Variants in NT5M observed in about 807,000 individuals in gnomAD.
The protein encoded by NT5M is 5'(3')-deoxyribonucleotidase, mitochondrial.
NT5M carries 22 observed loss-of-function variants against 22.2 expected under a neutral mutation model. The ratio of observed to expected loss-of-function variants is 0.99; its 90% CI spans 0.71 to 1.41. The LOEUF is 1.41. Among genes scored for constraint, NT5M ranks in the 40% most tolerant of loss-of-function variants. The pLI, the probability that NT5M is intolerant of heterozygous loss-of-function variation, is 0.00. For synonymous variants in NT5M, 167 were observed against 133.0 expected, an observed-to-expected ratio of 1.26 and a Z score of -1.76; for missense variants, 322 against 314.8, an observed-to-expected ratio of 1.02 and a Z score of -0.17.
At chr17:17,344,768 A>G in intron 3 of NT5M, 26 bp from the exon 4 acceptor site, 1 of 1,611,078 alleles carries the variant, frequency 6.2e-7, no homozygotes, top group Non-Finnish European at 8.5e-7. Context: ...TCTTCTCACC[A>G]CCTGCCCTTG....
intron 2 of NT5M, among the ~76,000 whole-genome samples, chr17:17,309,416 T>C (rs2048877758): frequency 6.6e-6 from 1 of 152,128 alleles, no homozygotes. Flanking sequence ...TTTTCAATTC[T>C]TTTGAGAATA....
chr17:17,314,538 A>G (rs2048984422), intron 2 of NT5M, among the ~76,000 whole-genome samples: 1 of 152,180 alleles, frequency 6.6e-6, no homozygotes, highest in South Asian at 2.1e-4. Flanking sequence ...CCCAGCAGTC[A>G]GAGTGATATT....
At chr17:17,314,731 T>A (rs1026280993) in intron 2 of NT5M, among the ~76,000 whole-genome samples, 2 of 152,258 alleles carry the variant, frequency 1.3e-5, no homozygotes, top group Non-Finnish European at 2.9e-5. Flanking sequence ...GCCCCTTGGA[T>A]GTGCCACACG....
At chr17:17,304,816 C>G (rs943975726) in intron 1 of NT5M, among the ~76,000 whole-genome samples, 13 of 152,158 alleles carry the variant, frequency 8.5e-5, no homozygotes, top group Non-Finnish European at 1.3e-4. Context: ...GTTCTCTGTA[C>G]TACTGTCTCT....
chr17:17,345,200 A>G, intron 4 of NT5M: 1 of 1,176,032 alleles, frequency 8.5e-7, no homozygotes, highest in East Asian at 3.8e-5. Context: ...TGGGGACTCA[A>G]CTCTGGTTTC....
intron 2 of NT5M, among the ~76,000 whole-genome samples, chr17:17,317,962 C>CAGAA (rs2049066818): frequency 5.4e-5 from 4 of 74,078 alleles, no homozygotes; most frequent in African/African-American, 2.4e-4. Context: ...ACTCCATGAT[C>CAGAA]AAAAAAAAAA....
At chr17:17,338,150 A>G (rs947097551) in intron 3 of NT5M, among the ~76,000 whole-genome samples, 32 of 151,608 alleles carry the variant, frequency 2.1e-4, no homozygotes, top group African/African-American at 7.5e-4. Context: ...TTTGTCAAAA[A>G]TGAGTTCAAG....
At chr17:17,333,388 T>A (rs548864125) in intron 3 of NT5M, 1 of 152,318 alleles carries the variant, frequency 6.6e-6, no homozygotes, top group East Asian at 1.9e-4. Context: ...ACTGCAGCTG[T>A]GACCCCCTGG....
At chr17:17,338,547 G>A (rs948560313) in intron 3 of NT5M, among the ~76,000 whole-genome samples, 2 of 151,954 alleles carry the variant, frequency 1.3e-5, no homozygotes, top group African/African-American at 2.4e-5. Context: ...CCAGTAACAT[G>A]CCATTTGGAC....
chr17:17,306,164 A>G (rs577913496), intron 1 of NT5M, among the ~76,000 whole-genome samples: 2 of 152,130 alleles, frequency 1.3e-5, no homozygotes, highest in South Asian at 2.1e-4. Context: ...CTCAAGTTTA[A>G]GGACTCTACT....
At chr17:17,315,215 A>G (rs776395370) in intron 2 of NT5M, among the ~76,000 whole-genome samples, 14 of 152,176 alleles carry the variant, frequency 9.2e-5, no homozygotes, top group Non-Finnish European at 1.6e-4. Context: ...CATGGTGCTC[A>G]CTGTCGTGAA....
At chr17:17,312,832 G>A (rs927217436) in intron 2 of NT5M, among the ~76,000 whole-genome samples, 1 of 151,840 alleles carries the variant, frequency 6.6e-6, no homozygotes, top group South Asian at 2.1e-4. Flanking sequence ...AAGAAGCCAG[G>A]CATGCTGACC....
Position 17,346,958 on chromosome 17 carries a change from G to T in NT5M, c.*11G>T. On this transcript the variant is annotated 3_prime_UTR_variant, in exon 5 of 5. Transcript: ENST00000389022. Reference sequence around the variant, plus strand: ...AAGCGGCCCTGCTGAGCTGGACTGTGCTTCGGGCTCCTCTGTGGGGCTCTG... The same window carrying T: ...AAGCGGCCCTGCTGAGCTGGACTGTTCTTCGGGCTCCTCTGTGGGGCTCTG... The T allele has an allele frequency of 6.2e-7, 1 of 1,610,176 alleles. No individual in the cohort carries two copies.
At chr17:17,343,048 C>T (rs890140363) in intron 3 of NT5M, among the ~76,000 whole-genome samples, 5 of 152,216 alleles carry the variant, frequency 3.3e-5, no homozygotes, top group Non-Finnish European at 2.9e-5. Context: ...GCCCCAGGCT[C>T]TTGCCCCCCA....
intron 4 of NT5M, 184 bp downstream of exon 4, chr17:17,345,092 G>A (rs2049730445): frequency 1.6e-6 from 1 of 631,386 alleles, no homozygotes; most frequent in African/African-American, 2.0e-5. Context: ...TGGTGCTCCT[G>A]GGAGCTGGGA....
intron 3 of NT5M, among the ~76,000 whole-genome samples, chr17:17,334,140 G>C (rs2049447948): frequency 6.6e-6 from 1 of 151,900 alleles, no homozygotes; most frequent in Non-Finnish European, 1.5e-5. Flanking sequence ...GTATGTTTTT[G>C]TATTTTAGTA....
intron 3 of NT5M, among the ~76,000 whole-genome samples, chr17:17,337,404 A>ATTTTTTTTTTTTTT (rs112137876): frequency 7.0e-6 from 1 of 142,388 alleles, no homozygotes. Flanking sequence ...ACCAAGCCTA[A>ATTTTTTTTTTTTTT]TTTTTTTTTT....
intron 4 of NT5M, among the ~76,000 whole-genome samples, chr17:17,346,353 T>C (rs2049758209): frequency 6.6e-6 from 1 of 152,254 alleles, no homozygotes; most frequent in Non-Finnish European, 1.5e-5. Context: ...CAGGGGCCTG[T>C]GATCAGCGGC....
chr17:17,323,671 C>T (rs186594470), intron 3 of NT5M, among the ~76,000 whole-genome samples: 2 of 152,288 alleles, frequency 1.3e-5, no homozygotes, highest in Admixed American at 1.3e-4. Flanking sequence ...CTTGCAGTTG[C>T]CAAACCCAGA....
Sources: allele counts gnomAD v4.1 joint callset (sites outside exome capture counted in the v4.1 genomes callset), GRCh38; gene constraint gnomAD v4.1.1; transcripts MANE v1.5; gene names NCBI Gene and HGNC (gene_info 2026-07-23, HGNC 2026-07-21).